ITFG1: variants seen among roughly 807,000 people sequenced by gnomAD.
ITFG1 encodes T-cell immunomodulatory protein.
ITFG1 carries 34 observed loss-of-function variants against 81.8 expected under a neutral mutation model. The observed-to-expected ratio is 0.42, with a 90% CI of 0.32 to 0.55. The LOEUF is 0.55. Ranked by LOEUF, ITFG1 falls within the 20% of genes least tolerant of loss-of-function variation. The probability of loss-of-function intolerance (pLI) is 0.17; values close to 1 mark genes in which losing one functional copy is unlikely to be tolerated. For missense variants in ITFG1, 672 were observed against 755.4 expected (o/e 0.89, Z 1.29); for synonymous variants, 285 against 270.6 (o/e 1.05, Z -0.52).
chr16:47,222,055 T>G (rs1379251418), intron 13 of ITFG1, among the ~76,000 whole-genome samples: 1 of 152,202 alleles, frequency 6.6e-6, no homozygotes, highest in Non-Finnish European at 1.5e-5. Context: ...TTCATTAATT[T>G]TTTTGAAGGG....
chr16:47,157,222 G>T (rs1457970692), intron 17 of ITFG1, among the ~76,000 whole-genome samples: 2 of 152,124 alleles, frequency 1.3e-5, no homozygotes, highest in Non-Finnish European at 2.9e-5. Context: ...CTTTAGAGAT[G>T]AGAGCTGGGG....
chr16:47,181,246 G>C (rs566527871), intron 14 of ITFG1, among the ~76,000 whole-genome samples: 34 of 149,320 alleles, frequency 2.3e-4, no homozygotes, highest in African/African-American at 6.9e-4. Flanking sequence ...TGAGAAGTGA[G>C]GAGCCCCTCC....
intron 12 of ITFG1, among the ~76,000 whole-genome samples, chr16:47,254,129 C>T (rs1966113271): frequency 6.6e-6 from 1 of 151,666 alleles, no homozygotes; most frequent in African/African-American, 2.4e-5. Flanking sequence ...TCCTTTAGTA[C>T]AAAGCATTCA....
chr16:47,176,537 G>A lies in ITFG1; in HGVS notation c.1454-13873C>T, dbSNP rs531558919. On this transcript the variant is annotated intron_variant, in intron 14 of 17. Coordinates refer to ENST00000320640, the MANE Select transcript of ITFG1 (RefSeq NM_030790.5). Reference sequence around the variant, plus strand: ...AGGGACTCTAACCTACAAATGATTTGGCCAGTGGCATTTCCTCTTACTAAC... The same window carrying A: ...AGGGACTCTAACCTACAAATGATTTAGCCAGTGGCATTTCCTCTTACTAAC... Among the ~76,000 whole-genome samples, 103 of 152,238 alleles carry A rather than the reference G, an allele frequency of 6.8e-4. 1 individual carries two copies. The highest frequency in any genetic ancestry group is 2.4e-3 in the African/African-American group (98 of 41,542).
chr16:47,243,201 T>G (rs1287209025), intron 12 of ITFG1, among the ~76,000 whole-genome samples: 1 of 152,126 alleles, frequency 6.6e-6, no homozygotes. Context: ...AATTGCTTCT[T>G]TAACTACTGA....
chr16:47,232,156 T>G (rs1965822642), intron 13 of ITFG1, among the ~76,000 whole-genome samples: 1 of 152,214 alleles, frequency 6.6e-6, no homozygotes. Flanking sequence ...GAAACACAGT[T>G]CAGGCTTCCA....
In ITFG1 at chr16:47,452,799, AAGAT is replaced by A. The variant is rs1393801756; in HGVS notation, c.428-13_428-10del. 6.9e-7 allele frequency: 1 copy of A among 1,453,560 alleles called. No homozygotes were observed. Among genetic ancestry groups the A allele is most frequent in the South Asian group, 1.2e-5 (1 of 80,660 alleles). 90.0% of individuals were successfully genotyped at this position (1,453,560 alleles called of 1,614,324 possible). On this transcript the variant is annotated splice_polypyrimidine_tract_variant and intron_variant, in intron 3 of 17. Transcript: ENST00000320640. ...GGTCATATTGTTAGGATCTGCAAAA[AAGAT>A]ATATATATATATGAATTAGCAGGCA... is the stretch of plus-strand genomic sequence containing the variant.
intron 5 of ITFG1, chr16:47,448,251 C>T (rs1174842836): frequency 6.6e-6 from 1 of 152,014 alleles, no homozygotes; most frequent in Non-Finnish European, 1.5e-5. Context: ...ACAAAATCAA[C>T]AGTAAAACTG....
At chr16:47,229,468 A>G (rs968488440) in intron 13 of ITFG1, among the ~76,000 whole-genome samples, 5 of 152,170 alleles carry the variant, frequency 3.3e-5, no homozygotes, top group Non-Finnish European at 7.3e-5. Flanking sequence ...GAAGGGGTAA[A>G]CCAGGGCTCT....
At chr16:47,179,858 T>C (rs1965082294) in intron 14 of ITFG1, among the ~76,000 whole-genome samples, 1 of 152,226 alleles carries the variant, frequency 6.6e-6, no homozygotes, top group Non-Finnish European at 1.5e-5. Flanking sequence ...CATCACTGTT[T>C]ATAGAAAACT....
Position 47,218,955 on chromosome 16 carries a change from GAA to G in ITFG1, c.1375-11_1375-10del, listed in dbSNP as rs755731953. The G allele has an allele frequency of 1.3e-5, 19 of 1,424,396 alleles. No homozygotes were observed. Among genetic ancestry groups the G allele is most frequent in the Admixed American group, 4.5e-5 (2 of 44,922 alleles). 88.2% of individuals were successfully genotyped at this position (1,424,396 alleles called of 1,614,324 possible). A position where few individuals can be genotyped will look rare whatever the true frequency, so the allele number is the denominator to read the frequency against. ...TGATTCACTCCAAAGGGCTGCAATA[GAA>G]AAAAAAAATAGTTAAGGCTTGGAAA... is the stretch of plus-strand genomic sequence containing the variant. On this transcript the variant is annotated splice_polypyrimidine_tract_variant and intron_variant, in intron 13 of 17. Coordinates refer to ENST00000320640, the MANE Select transcript of ITFG1 (RefSeq NM_030790.5).
At chr16:47,435,058 G>C (rs1225329240) in intron 5 of ITFG1, among the ~76,000 whole-genome samples, 3 of 152,096 alleles carry the variant, frequency 2.0e-5, no homozygotes, top group Non-Finnish European at 4.4e-5. Flanking sequence ...AGAGCATCAG[G>C]GAAGAATAGG....
intron 8 of ITFG1, among the ~76,000 whole-genome samples, chr16:47,351,078 T>A (rs1967946575): frequency 6.6e-6 from 1 of 152,174 alleles, no homozygotes; most frequent in Admixed American, 6.5e-5. Context: ...ATAAGAGCTA[T>A]TTATGACAAA....
chr16:47,288,915 A>G (rs960346617), intron 10 of ITFG1, among the ~76,000 whole-genome samples: 2 of 152,130 alleles, frequency 1.3e-5, no homozygotes, highest in African/African-American at 4.8e-5. Flanking sequence ...TAAAATGGGT[A>G]TCCTTGTCTC....
rs1441211031 is a variant in ITFG1, at chr16:47,272,958, A to G, written c.1071-12263T>C. On this transcript the variant is annotated intron_variant, in intron 10 of 17. Coordinates refer to ENST00000320640, the MANE Select transcript of ITFG1 (RefSeq NM_030790.5). ...TTTTAATTTATCTTCAAAGGCTATAAAATTGGTGGTGTTACTCAATACACT... is the reference window on the plus strand; with the variant it reads ...TTTTAATTTATCTTCAAAGGCTATAGAATTGGTGGTGTTACTCAATACACT... 7.4e-5 allele frequency among the ~76,000 whole-genome samples: 11 copies of G among 149,068 alleles called. No homozygotes were observed. The Admixed American group carries it at 7.4e-4, about 10-fold the overall frequency.
At chr16:47,249,734 T>A (rs761772709) in intron 12 of ITFG1, among the ~76,000 whole-genome samples, 11 of 150,010 alleles carry the variant, frequency 7.3e-5, no homozygotes, top group Non-Finnish European at 1.5e-4. Context: ...CATTTCATGT[T>A]AAACCATACT....
chr16:47,315,613 C>A (rs533225244), intron 8 of ITFG1, among the ~76,000 whole-genome samples: 1 of 151,898 alleles, frequency 6.6e-6, no homozygotes, highest in African/African-American at 2.4e-5. Context: ...GGTATTTTTT[C>A]AAGTGCTCTA....
At chr16:47,461,091 G>T (rs962391752), upstream of ITFG1, 2 of 1,469,248 alleles carry the variant, frequency 1.4e-6, no homozygotes, top group Middle Eastern at 2.4e-4. Flanking sequence ...CGCGCTTGAC[G>T]ACAGCCGCAA....
chr16:47,309,321 C>T (rs934938782), intron 10 of ITFG1, among the ~76,000 whole-genome samples: 16 of 152,208 alleles, frequency 1.1e-4, no homozygotes, highest in African/African-American at 3.6e-4. Flanking sequence ...CCGCGTGCCT[C>T]GGCCTCCCAA....
Sources: gnomAD v4.1 joint callset for allele counts (sites outside exome capture counted in the v4.1 genomes callset) on GRCh38, gnomAD v4.1.1 for gene constraint, MANE v1.5 for transcripts, NCBI Gene and HGNC (gene_info 2026-07-23, HGNC 2026-07-21) for gene names.